The following RIMS2 variants were observed in gnomAD, a reference collection of about 807,000 sequenced individuals.
RIMS2 encodes regulating synaptic membrane exocytosis 2, also known as regulating synaptic membrane exocytosis protein 2.
Under a neutral mutation model 174.4 loss-of-function variants are expected in RIMS2, and 59 were observed. The ratio of observed to expected loss-of-function variants is 0.34; its 90% CI spans 0.27 to 0.42. The LOEUF (loss-of-function observed/expected upper bound fraction) is 0.42, where lower values mean the gene tolerates loss of function less well. Among genes scored for constraint, RIMS2 ranks in the 10% least tolerant of loss-of-function variants. The probability of loss-of-function intolerance (pLI) is 1.00; values close to 1 mark genes in which losing one functional copy is unlikely to be tolerated. For missense variants in RIMS2, 1,620 were observed against 1,666.3 expected (o/e 0.97, Z 0.48); for synonymous variants, 606 against 572.5 (o/e 1.06, Z -0.84).
chr8:104,051,348 T>C (rs2096782443), intron 19 of RIMS2, among the ~76,000 whole-genome samples: 1 of 152,122 alleles, frequency 6.6e-6, no homozygotes, highest in African/African-American at 2.4e-5. Flanking sequence ...AAGAAAGCTA[T>C]GTAAAGTAAT....
chr8:103,763,867 A>G (rs1168749451), intron 2 of RIMS2, among the ~76,000 whole-genome samples: 4 of 152,228 alleles, frequency 2.6e-5, no homozygotes, highest in African/African-American at 7.2e-5. Flanking sequence ...AAGGCTGTGT[A>G]TGAACTCCTT....
intron 19 of RIMS2, 106 bp from the exon 24 acceptor site, chr8:104,093,365 C>A: frequency 1.4e-6 from 1 of 728,160 alleles, no homozygotes; most frequent in Non-Finnish European, 2.1e-6. Flanking sequence ...TGGGATTTTG[C>A]AGTTTCCTCT....
chr8:103,579,396 T>A (rs372825898), intron 1 of RIMS2, among the ~76,000 whole-genome samples: 2 of 152,142 alleles, frequency 1.3e-5, no homozygotes, highest in East Asian at 3.9e-4. Context: ...CTGATAAAAT[T>A]AAGTACAAGG....
At chr8:104,166,769 A>C (rs1257327906) in intron 19 of RIMS2, among the ~76,000 whole-genome samples, 2 of 151,788 alleles carry the variant, frequency 1.3e-5, no homozygotes, top group Non-Finnish European at 2.9e-5. Context: ...AATATACTCT[A>C]TAAATATATC....
intron 1 of RIMS2, among the ~76,000 whole-genome samples, chr8:103,626,433 A>G (rs1403587229): frequency 3.3e-5 from 5 of 152,214 alleles, no homozygotes. Context: ...TAATAACAAA[A>G]TATTCCAGAC....
intron 1 of RIMS2, among the ~76,000 whole-genome samples, chr8:103,533,044 G>T (rs2130961903): frequency 6.6e-6 from 1 of 152,268 alleles, no homozygotes; most frequent in African/African-American, 2.4e-5. Context: ...ATATTCTCAA[G>T]TAGGGAAAAT....
chr8:104,225,125 T>C (rs1473372833), intron 19 of RIMS2, among the ~76,000 whole-genome samples: 1 of 152,206 alleles, frequency 6.6e-6, no homozygotes, highest in African/African-American at 2.4e-5. Flanking sequence ...TTTTAGTACT[T>C]ATTATTAGTC....
chr8:104,196,983 C>G (rs2136715353), intron 19 of RIMS2, among the ~76,000 whole-genome samples: 1 of 152,144 alleles, frequency 6.6e-6, no homozygotes, highest in South Asian at 2.1e-4. Context: ...TAGTCATTAT[C>G]TTATATTTTT....
intron 2 of RIMS2, among the ~76,000 whole-genome samples, chr8:103,711,452 T>A (rs1396207599): frequency 6.6e-6 from 1 of 152,178 alleles, no homozygotes; most frequent in Non-Finnish European, 1.5e-5. Flanking sequence ...TAATAGCAAT[T>A]TTAATTTAAA....
chr8:104,253,877 G>A (rs1027432626), downstream of RIMS2: 1 of 152,104 alleles, frequency 6.6e-6, no homozygotes, highest in Non-Finnish European at 1.5e-5. Context: ...CACTAAAAAT[G>A]CCTTCTTTTT....
chr8:104,245,032 A>G (rs2099322953), exon 20 of RIMS2: 2 of 1,613,838 alleles, frequency 1.2e-6, no homozygotes, highest in Non-Finnish European at 1.7e-6. Flanking sequence ...AGATGGTAGC[A>G]TGAACAGCTA....
chr8:103,564,823 C>T (rs7837865), intron 1 of RIMS2, among the ~76,000 whole-genome samples: 4,554 of 152,260 alleles, frequency 0.03, 75 homozygotes, highest in African/African-American at 0.046. Flanking sequence ...CTCACAGATA[C>T]CCAGGAACAA....
chr8:103,939,573 G>A (rs547929864), intron 13 of RIMS2, among the ~76,000 whole-genome samples: 1 of 152,332 alleles, frequency 6.6e-6, no homozygotes, highest in Admixed American at 6.5e-5. Context: ...GCGGATAGGC[G>A]ATTAACATTT....
intron 19 of RIMS2, among the ~76,000 whole-genome samples, chr8:104,172,264 A>G (rs2098836846): frequency 6.6e-6 from 1 of 152,252 alleles, no homozygotes; most frequent in Admixed American, 6.5e-5. Context: ...GCATCATCTA[A>G]TTTAATTCTT....
At chr8:103,824,442 C>A (rs1385874924) in intron 3 of RIMS2, among the ~76,000 whole-genome samples, 3 of 152,100 alleles carry the variant, frequency 2.0e-5, no homozygotes, top group Non-Finnish European at 4.4e-5. Context: ...AGGACTCATC[C>A]ACAATTTTAG....
intron 19 of RIMS2, among the ~76,000 whole-genome samples, chr8:104,206,790 G>C (rs2099082301): frequency 6.6e-6 from 1 of 152,186 alleles, no homozygotes. Flanking sequence ...GTAAACATCT[G>C]ACCAGACTGT....
chr8:104,028,944 G>C lies in RIMS2; in HGVS notation c.3334+14329G>C, dbSNP rs78500506. On this transcript the variant is annotated intron_variant, in intron 19 of 23. Coordinates refer to ENST00000504942, the Ensembl canonical transcript of RIMS2. ...TACTACATAGGCAGAGCAGCCTGCT[G>C]CTGGTTGCCTATTTTTATGGTTATT... Among the ~76,000 whole-genome samples the C allele has an allele frequency of 6.4e-4, 98 of 152,322 alleles. No homozygotes were observed. The East Asian group carries it at 0.014, about 22-fold the overall frequency.
At chr8:103,938,416 T>G (rs1031288336) in intron 13 of RIMS2, among the ~76,000 whole-genome samples, 1 of 152,052 alleles carries the variant, frequency 6.6e-6, no homozygotes, top group Non-Finnish European at 1.5e-5. Context: ...GTGAGATTTA[T>G]TCACTATGAG....
At chr8:103,683,019 T>C (rs1003807757) in intron 1 of RIMS2, among the ~76,000 whole-genome samples, 2 of 152,210 alleles carry the variant, frequency 1.3e-5, no homozygotes, top group Non-Finnish European at 2.9e-5. Context: ...GAAATGCGGC[T>C]TCCACTTCCC....
Sources: allele counts gnomAD v4.1 joint callset (sites outside exome capture counted in the v4.1 genomes callset), GRCh38; gene constraint gnomAD v4.1.1; transcripts MANE v1.5; gene names NCBI Gene and HGNC (gene_info 2026-07-23, HGNC 2026-07-21).